THAP8: variants seen among roughly 807,000 people sequenced by gnomAD.
The protein encoded by THAP8 is THAP domain-containing protein 8.
A neutral mutation model predicts 25.0 loss-of-function variants in THAP8; 24 were observed. The observed-to-expected ratio is 0.96, with a 90% CI of 0.69 to 1.35. THAP8 has a LOEUF of 1.35. Among genes scored for constraint, THAP8 ranks in the 40% most tolerant of loss-of-function variants. THAP8 has a pLI of 0.00. For missense variants in THAP8, 399 were observed against 368.8 expected (o/e 1.08, Z -0.67); for synonymous variants, 169 against 157.6 (o/e 1.07, Z -0.54).
In THAP8 at chr19:36,054,115, C is replaced by G; in HGVS notation, c.83+20G>C. On this transcript the variant is annotated intron_variant, in intron 1 of 3. Transcript: ENST00000292894. ...CTCAGGGTCCCGCCTCCCTCAAGCCCCGCCCCGCGCTGCGCTCACTTGTAG... is the reference window on the plus strand; with the variant it reads ...CTCAGGGTCCCGCCTCCCTCAAGCCGCGCCCCGCGCTGCGCTCACTTGTAG... The G allele has an allele frequency of 8.1e-6, 13 of 1,609,908 alleles. No individual in the cohort carries two copies. The highest frequency in any genetic ancestry group is 1.1e-5 in the Non-Finnish European group (13 of 1,178,212).
At chr19:36,045,859 T>C (rs1438202847) in intron 1 of THAP8, 1 of 456,696 alleles carries the variant, frequency 2.2e-6, no homozygotes, top group African/African-American at 2.0e-5. Flanking sequence ...GCCGACACCT[T>C]GGTTTTGGCC....
At chr19:36,053,466 G>A (rs755155222) in intron 1 of THAP8, among the ~76,000 whole-genome samples, 3 of 148,306 alleles carry the variant, frequency 2.0e-5, no homozygotes, top group African/African-American at 5.0e-5. Context: ...GAGGTGGGAG[G>A]ATCACTTGAG....
At chr19:36,054,524 G>A (rs116402611), upstream of THAP8, 1,856 of 564,812 alleles carry the variant, frequency 3.3e-3, 33 homozygotes, top group African/African-American at 0.032. Context: ...CGGCGTTTCT[G>A]AGCCTGCGCC....
chr19:36,040,523 C>T (rs937360678), intron 1 of THAP8, among the ~76,000 whole-genome samples: 2 of 152,146 alleles, frequency 1.3e-5, no homozygotes, highest in East Asian at 1.9e-4. Flanking sequence ...GACGAGGTTG[C>T]ACCATGTTGG....
intron 1 of THAP8, among the ~76,000 whole-genome samples, chr19:36,051,103 A>G (rs370535926): frequency 7.9e-5 from 12 of 152,238 alleles, no homozygotes; most frequent in African/African-American, 2.7e-4. Flanking sequence ...AAAATAAAGC[A>G]GGAGACAGAG....
chr19:36,038,503 T>C (rs1258611713), intron 3 of THAP8, among the ~76,000 whole-genome samples: 1 of 152,178 alleles, frequency 6.6e-6, no homozygotes, highest in Non-Finnish European at 1.5e-5. Context: ...TCTGCCCACC[T>C]TGGCCTCCCA....
intron 3 of THAP8, among the ~76,000 whole-genome samples, chr19:36,037,255 C>CACAT (rs1323968879): frequency 1.3e-5 from 1 of 76,990 alleles, no homozygotes; most frequent in African/African-American, 4.1e-5. Flanking sequence ...CACACACACA[C>CACAT]ACACACACAC....
intron 1 of THAP8, 68 bp downstream of exon 1, chr19:36,054,067 A>C (rs1349295794): frequency 1.3e-6 from 2 of 1,537,494 alleles, no homozygotes; most frequent in Non-Finnish European, 1.8e-6. Flanking sequence ...GCACAGCAGC[A>C]CTAATGCTCG....
intron 3 of THAP8, among the ~76,000 whole-genome samples, chr19:36,037,351 C>G (rs952862336): frequency 6.1e-5 from 9 of 147,032 alleles, no homozygotes; most frequent in African/African-American, 1.0e-4. Context: ...CCTACACACA[C>G]ACACACACAC....
chr19:36,039,737 G>A lies in THAP8; in HGVS notation c.277-19C>T. On this transcript the variant is annotated intron_variant, in intron 2 of 3. Transcript: ENST00000292894. ...GCTGACTCTGGAAGACAAGGCATGG[G>A]GTGCAGGGGTGCCGTGGTCAGACTT... is the stretch of plus-strand genomic sequence containing the variant. 2 of 1,495,294 alleles carry A rather than the reference G, an allele frequency of 1.3e-6. No homozygotes were observed. Among genetic ancestry groups the A allele is most frequent in the Non-Finnish European group, 1.8e-6 (2 of 1,122,762 alleles). The allele number at this position is 1,495,294 out of a possible 1,614,324, so 92.6% of individuals were successfully genotyped here.
chr19:36,054,225 C>T lies in THAP8; in HGVS notation c.-8G>A. On this transcript the variant is annotated 5_prime_UTR_variant, in exon 1 of 4. Transcript: ENST00000292894. Reference sequence around the variant, plus strand: ...CCTGCAGTACTTGGGCATGGCTATCCAGCCCCCGCTGAGTTTTGCCGGGTC... The same window carrying T: ...CCTGCAGTACTTGGGCATGGCTATCTAGCCCCCGCTGAGTTTTGCCGGGTC... 2 of 1,612,722 alleles carry T rather than the reference C, an allele frequency of 1.2e-6. No homozygotes were observed. Among genetic ancestry groups the T allele is most frequent in the South Asian group, 2.2e-5 (2 of 90,754 alleles).
chr19:36,045,173 C>T lies in THAP8; in HGVS notation c.84-5037G>A, dbSNP rs1367585892. On this transcript the variant is annotated intron_variant, in intron 1 of 3. Transcript: ENST00000292894. ...CGCAATCTCGGCTCACTGCAAGCTC[C>T]GCCTGCCAGGTTCACACCATTCTCC... 4.6e-5 allele frequency among the ~76,000 whole-genome samples: 7 copies of T among 152,076 alleles called. No homozygotes were observed. The East Asian group carries it at 9.7e-4, about 21-fold the overall frequency.
chr19:36,049,391 A>G (rs1969989077), intron 1 of THAP8, among the ~76,000 whole-genome samples: 1 of 152,006 alleles, frequency 6.6e-6, no homozygotes, highest in African/African-American at 2.4e-5. Context: ...GAGTGAACTA[A>G]TGAGTGTTCC....
chr19:36,053,928 C>T (rs1970182357), intron 1 of THAP8, among the ~76,000 whole-genome samples: 1 of 152,158 alleles, frequency 6.6e-6, no homozygotes, highest in Admixed American at 6.5e-5. Context: ...CGCTCGCTAT[C>T]TGTAGTCAAT....
At position 36,035,355 on chromosome 19, in the gene THAP8, C is replaced by A; in HGVS notation, c.*85G>T. 2 of 1,519,734 alleles carry A rather than the reference C, an allele frequency of 1.3e-6. No individual in the cohort carries two copies. Among genetic ancestry groups the A allele is most frequent in the South Asian group, 1.3e-5 (1 of 78,766 alleles). 94.1% of individuals were successfully genotyped at this position (1,519,734 alleles called of 1,614,324 possible). A position where few individuals can be genotyped will look rare whatever the true frequency, so the allele number is the denominator to read the frequency against. On this transcript the variant is annotated 3_prime_UTR_variant, in exon 4 of 4. Transcript: ENST00000292894. The stretch of plus-strand genomic sequence containing the variant: ...GGCACTGCTACTACCCAGGCGTGGG[C>A]GGTGGGGCTGGGCCAAGCCCACGTA...
intron 1 of THAP8, among the ~76,000 whole-genome samples, chr19:36,047,047 A>C (rs2145450513): frequency 6.6e-6 from 1 of 152,320 alleles, no homozygotes; most frequent in Non-Finnish European, 1.5e-5. Context: ...CAGCATTTGT[A>C]ATGGGCAATG....
At chr19:36,045,497 G>A (rs1969849070) in intron 1 of THAP8, among the ~76,000 whole-genome samples, 1 of 151,882 alleles carries the variant, frequency 6.6e-6, no homozygotes. Context: ...TCAAACTCCT[G>A]GGCTCAAGCA....
upstream of THAP8, chr19:36,054,601 G>A: frequency 1.9e-6 from 1 of 540,522 alleles, no homozygotes; most frequent in South Asian, 2.1e-5. Context: ...GCAACCGTTG[G>A]GGCGCACATA....
intron 1 of THAP8, among the ~76,000 whole-genome samples, chr19:36,047,338 G>C (rs1969911789): frequency 6.6e-6 from 1 of 152,200 alleles, no homozygotes; most frequent in African/African-American, 2.4e-5. Context: ...ATGATGAAAA[G>C]GTGCCATTGA....
Sources: gnomAD v4.1 joint callset for allele counts (sites outside exome capture counted in the v4.1 genomes callset) on GRCh38, gnomAD v4.1.1 for gene constraint, MANE v1.5 for transcripts, NCBI Gene and HGNC (gene_info 2026-07-23, HGNC 2026-07-21) for gene names.